RTTN: variants seen among roughly 807,000 people sequenced by gnomAD.
The protein encoded by RTTN is rotatin.
RTTN carries 182 observed loss-of-function variants against 269.2 expected under a neutral mutation model. That is an observed-to-expected ratio of 0.68 (90% CI 0.60 to 0.76). The LOEUF (loss-of-function observed/expected upper bound fraction) is 0.76, where lower values mean the gene tolerates loss of function less well. Ranked by LOEUF, RTTN falls within the 30% of genes least tolerant of loss-of-function variation. The pLI is 0.00. For synonymous variants in RTTN, 1,006 were observed against 963.5 expected, an observed-to-expected ratio of 1.04 and a Z score of -0.82; for missense variants, 2,545 against 2,608.6, an observed-to-expected ratio of 0.98 and a Z score of 0.53.
At chr18:70,038,410 T>C (rs2057240755) in intron 40 of RTTN, among the ~76,000 whole-genome samples, 1 of 152,178 alleles carries the variant, frequency 6.6e-6, no homozygotes, top group Admixed American at 6.5e-5. Flanking sequence ...GCTCAGTATA[T>C]AGAGAGAGAC....
chr18:70,105,089 C>T (rs2059286103), intron 28 of RTTN, among the ~76,000 whole-genome samples: 2 of 152,202 alleles, frequency 1.3e-5, no homozygotes, highest in South Asian at 4.1e-4. Context: ...ATGCCCTGCC[C>T]CCAGAAGTGG....
chr18:70,148,582 G>A (rs2060455693), intron 17 of RTTN, among the ~76,000 whole-genome samples: 3 of 152,140 alleles, frequency 2.0e-5, no homozygotes, highest in Admixed American at 2.0e-4. Flanking sequence ...GAGAAGATGG[G>A]AATGCACTAT....
rs2056968397 is a variant in RTTN at position 70,030,059 on chromosome 18, G to A, written c.5698C>T (p.Leu1900=). ...CCAGGCCTCAGAGAATCTAGGTTCAGTTGTGCATTTATGTGTTTCATCTGC... is the reference window on the plus strand; with the variant it reads ...CCAGGCCTCAGAGAATCTAGGTTCAATTGTGCATTTATGTGTTTCATCTGC... The part of the protein sequence containing the change: ...MEQMKHINAQ[L]NLDSLRPGKA... The change falls in exon 42 of 49, where the codon CTG becomes TTG. Residue 1900 remains leucine, a synonymous_variant. Coordinates refer to ENST00000640769, the MANE Select transcript of RTTN (RefSeq NM_173630.4). The A allele has an allele frequency of 1.9e-6, 3 of 1,612,936 alleles. No homozygotes were observed. The highest frequency in any genetic ancestry group is 2.5e-6 in the Non-Finnish European group (3 of 1,179,608).
At chr18:70,055,935 C>T (rs754392820) in intron 37 of RTTN, among the ~76,000 whole-genome samples, 21 of 152,200 alleles carry the variant, frequency 1.4e-4, no homozygotes, top group Non-Finnish European at 2.9e-4. Flanking sequence ...CTGCCGCAGG[C>T]ACTCGCAGCC....
chr18:70,111,801 G>C (rs1437880406), intron 27 of RTTN, among the ~76,000 whole-genome samples: 1 of 152,022 alleles, frequency 6.6e-6, no homozygotes, highest in African/African-American at 2.4e-5. Context: ...GAAATACAGA[G>C]ACCACCACAA....
intron 14 of RTTN, among the ~76,000 whole-genome samples, chr18:70,154,263 A>AT (rs2060616370): frequency 6.6e-6 from 1 of 151,970 alleles, no homozygotes; most frequent in East Asian, 1.9e-4. Context: ...CTGGATGTTA[A>AT]TTTTTTAGAA....
rs772437449 is a variant in RTTN at position 70,176,662 on chromosome 18, T to C, written c.1476+13A>G. The stretch of plus-strand genomic sequence containing the variant: ...GTCTGTAAAGTACAAATGAGCAGCA[T>C]TGCCTGCCTTACCTTTTCAACAGGG... On this transcript the variant is annotated intron_variant, in intron 11 of 48. Transcript: ENST00000640769. The C allele has an allele frequency of 9.9e-6, 16 of 1,609,114 alleles. No individual in the cohort carries two copies. Among genetic ancestry groups the C allele is most frequent in the African/African-American group, 2.7e-5 (2 of 74,744 alleles).
intron 28 of RTTN, among the ~76,000 whole-genome samples, chr18:70,094,400 G>A (rs1195476304): frequency 2.6e-5 from 4 of 152,034 alleles, no homozygotes; most frequent in African/African-American, 7.2e-5. Flanking sequence ...TTAGGGTGTC[G>A]ATTTTAGATC....
chr18:70,173,150 C>T (rs1384590665), intron 11 of RTTN, among the ~76,000 whole-genome samples: 2 of 152,060 alleles, frequency 1.3e-5, no homozygotes, highest in African/African-American at 4.8e-5. Flanking sequence ...GTGTTTTATC[C>T]GTTTTCCTGG....
intron 11 of RTTN, among the ~76,000 whole-genome samples, chr18:70,171,557 A>C (rs759832533): frequency 6.6e-6 from 1 of 152,228 alleles, no homozygotes; most frequent in African/African-American, 2.4e-5. Flanking sequence ...GCTAATCTTT[A>C]CATGGCCCAA....
chr18:70,102,410 T>C (rs980754122), intron 28 of RTTN, among the ~76,000 whole-genome samples: 5 of 152,178 alleles, frequency 3.3e-5, no homozygotes, highest in African/African-American at 4.8e-5. Flanking sequence ...CTTTTTTTGT[T>C]TTCCATTTGC....
chr18:70,140,604 C>T (rs1005926066), intron 19 of RTTN, among the ~76,000 whole-genome samples: 1 of 151,940 alleles, frequency 6.6e-6, no homozygotes, highest in African/African-American at 2.4e-5. Context: ...ATATGACTTA[C>T]AACATGAACA....
chr18:70,148,792 C>T, intron 17 of RTTN, 109 bp downstream of exon 17: 1 of 1,324,724 alleles, frequency 7.5e-7, no homozygotes, highest in Non-Finnish European at 1.1e-6. Context: ...AATGGAATAA[C>T]ACCCTCCTTA....
intron 14 of RTTN, among the ~76,000 whole-genome samples, chr18:70,161,317 C>G (rs2060823510): frequency 6.6e-6 from 1 of 152,074 alleles, no homozygotes; most frequent in Non-Finnish European, 1.5e-5. Flanking sequence ...AAACTGGACC[C>G]CCTTCCTTTC....
intron 11 of RTTN, among the ~76,000 whole-genome samples, chr18:70,174,787 G>A (rs1225756700): frequency 7.3e-5 from 11 of 151,616 alleles, no homozygotes; most frequent in East Asian, 3.9e-4. Flanking sequence ...TTGGGAGGCC[G>A]AGGCGGGCAC....
At chr18:70,135,329 GA>G in intron 21 of RTTN, 49 bp from the exon 22 acceptor site, 1 of 1,078,002 alleles carries the variant, frequency 9.3e-7, no homozygotes, top group Non-Finnish European at 1.4e-6. Context: ...CGTCTAGAAA[GA>G]ATGAACTTCA....
intron 10 of RTTN, among the ~76,000 whole-genome samples, chr18:70,181,220 C>T (rs1022416372): frequency 1.4e-4 from 22 of 152,136 alleles, no homozygotes; most frequent in African/African-American, 5.1e-4. Flanking sequence ...AATTTAGAAG[C>T]AATGAGTCAT....
intron 12 of RTTN, 70 bp from the exon 13 acceptor site, chr18:70,167,101 A>G: frequency 1.0e-6 from 1 of 955,646 alleles, no homozygotes; most frequent in East Asian, 2.5e-5. Context: ...CAGCTAACTA[A>G]GCAGCTTCAA....
intron 34 of RTTN, among the ~76,000 whole-genome samples, chr18:70,070,945 T>C (rs1282513473): frequency 6.6e-6 from 1 of 152,208 alleles, no homozygotes; most frequent in Non-Finnish European, 1.5e-5. Flanking sequence ...GATAATATTG[T>C]AAAGCCCATT....
Sources: gnomAD v4.1 joint callset for allele counts (sites outside exome capture counted in the v4.1 genomes callset) on GRCh38, gnomAD v4.1.1 for gene constraint, MANE v1.5 for transcripts, NCBI Gene and HGNC (gene_info 2026-07-23, HGNC 2026-07-21) for gene names.